The following ALG1L2 variants were observed in gnomAD, a reference collection of about 807,000 sequenced individuals.
ALG1L2 encodes the protein putative glycosyltransferase ALG1L2.
A neutral mutation model predicts 29.0 loss-of-function variants in ALG1L2; 32 were observed. The observed-to-expected ratio is 1.10, with a 90% confidence interval of 0.83 to 1.48. The LOEUF (loss-of-function observed/expected upper bound fraction) is 1.48, where lower values mean the gene tolerates loss of function less well. Ranked by LOEUF, ALG1L2 falls within the 40% of genes most tolerant of loss-of-function variation. The pLI is 0.00. For missense variants in ALG1L2, 318 were observed against 274.1 expected, an observed-to-expected ratio of 1.16 and a Z score of -1.13; for synonymous variants, 110 against 109.5, an observed-to-expected ratio of 1.00 and a Z score of -0.03.
In ALG1L2 at chr3:130,094,473, C is replaced by T; in HGVS notation, c.384C>T (p.Cys128=). Residue 128 remains cysteine, a synonymous_variant, in exon 5 of 8, where the codon TGC becomes TGT. Coordinates refer to ENST00000425059, the MANE Select transcript of ALG1L2 (RefSeq NM_001136152.1). ...AGCATTTCCAGCACATCCAGGTCTG[C>T]ATCCCCTGGCTGGAGGGCCGAGGAC... ...HQKHFQHIQV[C]IPWLEGRGLP... 1.3e-6 allele frequency: 2 copies of T among 1,595,996 alleles called. No homozygotes were observed. Among genetic ancestry groups the T allele is most frequent in the Non-Finnish European group, 1.7e-6 (2 of 1,179,564 alleles).
rs1935010584 is a variant in ALG1L2 at position 130,091,380 on chromosome 3, C to T, written c.131+9C>T. On this transcript the variant is annotated intron_variant, in intron 2 of 7. Coordinates refer to ENST00000425059, the MANE Select transcript of ALG1L2 (RefSeq NM_001136152.1). ...TCTCCGTTCAGGGCCCGGTAGGCCT[C>T]CCACCCTCAGCTGCCTTCTCTCCTG... is the stretch of plus-strand genomic sequence containing the variant. 1.9e-6 allele frequency: 3 copies of T among 1,595,632 alleles called. No homozygotes were observed. The highest frequency in any genetic ancestry group is 1.1e-5 in the South Asian group (1 of 90,804).
Position 130,092,362 on chromosome 3 carries a change from G to A in ALG1L2, c.253+140G>A, listed in dbSNP as rs1161389164. 4.4e-6 allele frequency: 7 copies of A among 1,599,552 alleles called. No homozygotes were observed. The Admixed American group carries it at 8.4e-5, about 19-fold the overall frequency. On this transcript the variant is annotated intron_variant, in intron 3 of 7. Transcript: ENST00000425059. ...AGGGGAGGGCGTGTGAGCTGGAAGA[G>A]TGGTGTCTAGAAACAGGCCCCTGAC... is the stretch of plus-strand genomic sequence containing the variant.
At position 130,096,236 on chromosome 3, in the gene ALG1L2, T is replaced by C. The variant is rs375742127; in HGVS notation, c.539+73T>C. On this transcript the variant is annotated intron_variant, in intron 6 of 7. Transcript: ENST00000425059. ...CCGCTGAGGGGGAAGCAGTGCAGAG[T>C]GAGCTGCCCACAGTGAGGCCCTGCC... is the stretch of plus-strand genomic sequence containing the variant. 3.5e-3 allele frequency: 5,476 copies of C among 1,542,744 alleles called. 12 individuals are homozygous for C. The highest frequency in any genetic ancestry group is 7.7e-3 in the East Asian group (332 of 42,870).
At chr3:130,086,394 T>C (rs569157136) in intron 1 of ALG1L2, among the ~76,000 whole-genome samples, 1 of 148,060 alleles carries the variant, frequency 6.8e-6, no homozygotes. Flanking sequence ...GAGGTGGGCA[T>C]GGTGGCTCAT....
chr3:130,097,071 C>T (rs1413347949), intron 6 of ALG1L2, 104 bp from the exon 7 acceptor site: 2 of 1,539,770 alleles, frequency 1.3e-6, no homozygotes, highest in Non-Finnish European at 1.7e-6. Flanking sequence ...TGTTCCAACC[C>T]CCAGCCTGGC....
At chr3:130,093,465 C>T (rs1383631361) in intron 4 of ALG1L2, among the ~76,000 whole-genome samples, 1 of 144,962 alleles carries the variant, frequency 6.9e-6, no homozygotes. Context: ...AAGACTCTGT[C>T]GCCCAGGCTG....
rs1196794410 is a variant in ALG1L2 at position 130,093,093 on chromosome 3, A to G, written c.254-8A>G. 6.3e-7 allele frequency: 1 copy of G among 1,595,520 alleles called. No homozygotes were observed. Among genetic ancestry groups the G allele is most frequent in the Non-Finnish European group, 8.5e-7 (1 of 1,173,388 alleles). Reference sequence around the variant, plus strand: ...TCCATGTAGAATTGTTTCTTTTTTTAAACACAGAGTTTGAACAACTGACTC... The same window carrying G: ...TCCATGTAGAATTGTTTCTTTTTTTGAACACAGAGTTTGAACAACTGACTC... On this transcript the variant is annotated splice_polypyrimidine_tract_variant and splice_region_variant and intron_variant, in intron 3 of 7. Coordinates refer to ENST00000425059, the MANE Select transcript of ALG1L2 (RefSeq NM_001136152.1).
chr3:130,084,282 A>C (rs188873978), intron 1 of ALG1L2, among the ~76,000 whole-genome samples: 1 of 137,268 alleles, frequency 7.3e-6, no homozygotes, highest in Admixed American at 7.7e-5. Flanking sequence ...ACATAGCGAG[A>C]CCCCATTTCC....
intron 5 of ALG1L2, 64 bp downstream of exon 5, chr3:130,094,577 C>CATTATGCTGGGGTAACGGGGGGGGGG: frequency 3.5e-6 from 1 of 286,992 alleles, no homozygotes; most frequent in East Asian, 8.0e-5. Context: ...CAGGGGTGGG[C>CATTATGCTGGGGTAACGGGGGGGGGG]GGGGTGTACC....
intron 7 of ALG1L2, among the ~76,000 whole-genome samples, 182 bp downstream of exon 7, chr3:130,097,432 G>T (rs1051009750): frequency 7.9e-5 from 12 of 152,282 alleles, no homozygotes; most frequent in African/African-American, 2.6e-4. Context: ...GGTACAGTAG[G>T]CTCGGTAAAG....
intron 7 of ALG1L2, among the ~76,000 whole-genome samples, chr3:130,097,465 C>T (rs1250253013): frequency 6.6e-6 from 1 of 152,194 alleles, no homozygotes; most frequent in Admixed American, 6.5e-5. Flanking sequence ...CCCACCTGCC[C>T]TCTAGATTTA....
At chr3:130,084,299 CA>C (rs1553718982) in intron 1 of ALG1L2, among the ~76,000 whole-genome samples, 5 of 145,716 alleles carry the variant, frequency 3.4e-5, no homozygotes, top group Non-Finnish European at 7.7e-5. Flanking sequence ...TTCCCCCCCT[CA>C]AAAAAAATTA....
intron 1 of ALG1L2, among the ~76,000 whole-genome samples, chr3:130,086,088 G>T (rs758956109): frequency 6.6e-6 from 1 of 151,586 alleles, no homozygotes; most frequent in Non-Finnish European, 1.5e-5. Context: ...AAATCACCAC[G>T]ATCCCCTCTT....
chr3:130,085,359 G>A (rs74467681), intron 1 of ALG1L2, among the ~76,000 whole-genome samples: 83 of 55,014 alleles, frequency 1.5e-3, no homozygotes, highest in Middle Eastern at 0.015. Flanking sequence ...GCCTCCCAAA[G>A]TGCTAGGATT....
At chr3:130,084,039 G>T (rs1342159424) in intron 1 of ALG1L2, among the ~76,000 whole-genome samples, 1 of 151,490 alleles carries the variant, frequency 6.6e-6, no homozygotes, top group Admixed American at 6.6e-5. Context: ...AGCCTGCAGT[G>T]GCCATGGGGC....
intron 7 of ALG1L2, among the ~76,000 whole-genome samples, 159 bp downstream of exon 7, chr3:130,097,409 G>A (rs139167089): frequency 2.0e-5 from 3 of 152,304 alleles, no homozygotes; most frequent in Non-Finnish European, 4.4e-5. Flanking sequence ...GGCCTACTCT[G>A]CTGTCCCATT....
intron 3 of ALG1L2, 120 bp downstream of exon 3, chr3:130,092,342 A>T (rs1935036319): frequency 6.3e-7 from 1 of 1,596,212 alleles, no homozygotes; most frequent in African/African-American, 1.3e-5. Context: ...TGAGAAGGGG[A>T]GGGCGTGTGA....
At chr3:130,092,322 A>G (rs1935035998) in intron 3 of ALG1L2, 100 bp downstream of exon 3, 6 of 1,592,296 alleles carry the variant, frequency 3.8e-6, no homozygotes, top group African/African-American at 1.3e-5. Flanking sequence ...CAACCCCACC[A>G]CGGTCTCAGT....
chr3:130,087,417 C>G (rs1194580536), intron 1 of ALG1L2, among the ~76,000 whole-genome samples: 1 of 149,628 alleles, frequency 6.7e-6, no homozygotes, highest in Non-Finnish European at 1.5e-5. Flanking sequence ...AGAGACACAA[C>G]AACTGAAAAT....
Sources: gnomAD v4.1 joint callset for allele counts (sites outside exome capture counted in the v4.1 genomes callset) on GRCh38, gnomAD v4.1.1 for gene constraint, MANE v1.5 for transcripts, NCBI Gene and HGNC (gene_info 2026-07-23, HGNC 2026-07-21) for gene names.